LRRC4C: variants seen among roughly 807,000 people sequenced by gnomAD.
LRRC4C encodes leucine rich repeat containing 4C.
In LRRC4C, 5 loss-of-function variants were observed where a neutral mutation model predicts 33.6. That is an observed-to-expected ratio of 0.15 (90% CI 0.08 to 0.31). The LOEUF is 0.31. Among genes scored for constraint, LRRC4C ranks in the 10% least tolerant of loss-of-function variants. LRRC4C has a pLI of 1.00. For missense variants in LRRC4C, 560 were observed against 796.7 expected, an observed-to-expected ratio of 0.70 and a Z score of 3.58; for synonymous variants, 329 against 302.0, an observed-to-expected ratio of 1.09 and a Z score of -0.93.
intron 1 of LRRC4C, among the ~76,000 whole-genome samples, chr11:41,000,629 G>T (rs1854304464): frequency 6.6e-6 from 1 of 152,118 alleles, no homozygotes; most frequent in Non-Finnish European, 1.5e-5. Context: ...GCAACAATTG[G>T]CTGGAGCACC....
At chr11:41,187,257 C>T (rs113092154) in intron 1 of LRRC4C, among the ~76,000 whole-genome samples, 1 of 152,142 alleles carries the variant, frequency 6.6e-6, no homozygotes. Flanking sequence ...GCCCACCACA[C>T]CCCCATTATG....
At chr11:40,210,892 C>T (rs1315285118) in intron 5 of LRRC4C, among the ~76,000 whole-genome samples, 1 of 152,196 alleles carries the variant, frequency 6.6e-6, no homozygotes, top group African/African-American at 2.4e-5. Flanking sequence ...CCTGCCTCAG[C>T]TTCCTGTGTA....
At chr11:40,707,827 A>G (rs1016154715) in intron 2 of LRRC4C, among the ~76,000 whole-genome samples, 1 of 152,142 alleles carries the variant, frequency 6.6e-6, no homozygotes, top group Non-Finnish European at 1.5e-5. Flanking sequence ...TCGGCTGTGA[A>G]TCCATCTGGT....
intron 1 of LRRC4C, among the ~76,000 whole-genome samples, chr11:41,241,402 T>C (rs1421500363): frequency 1.3e-5 from 2 of 152,042 alleles, no homozygotes; most frequent in East Asian, 3.9e-4. Flanking sequence ...GTGGGAAATG[T>C]TGGTAAAGAA....
chr11:40,543,754 T>A (rs12274082), intron 3 of LRRC4C, among the ~76,000 whole-genome samples: 1 of 152,038 alleles, frequency 6.6e-6, no homozygotes, highest in East Asian at 1.9e-4. Flanking sequence ...CAGCTTATGG[T>A]CTTGGATTTT....
chr11:40,776,804 C>T (rs7939642), intron 2 of LRRC4C, among the ~76,000 whole-genome samples: 113,903 of 151,868 alleles, frequency 0.75, 42,924 homozygotes, highest in Middle Eastern at 0.84. Flanking sequence ...TCTAGTTCTT[C>T]TAGGTGTAAT....
At position 40,557,712 on chromosome 11, in the gene LRRC4C, T is replaced by C. The variant is rs568099050; in HGVS notation, c.-270+90430A>G. On this transcript the variant is annotated intron_variant, in intron 3 of 6. Coordinates refer to ENST00000528697, the MANE Select transcript of LRRC4C (RefSeq NM_001258419.2). ...TGTGTGTGTGTGTGTAAAATATAAA[T>C]GTCATATTAATAGGTAGTTATTTTT... Among the ~76,000 whole-genome samples the C allele has an allele frequency of 7.9e-5, 12 of 152,140 alleles. No individual in the cohort carries two copies. The South Asian group carries it at 2.5e-3, about 32-fold the overall frequency.
At chr11:41,219,436 A>G (rs1947206675) in intron 1 of LRRC4C, among the ~76,000 whole-genome samples, 1 of 152,258 alleles carries the variant, frequency 6.6e-6, no homozygotes, top group South Asian at 2.1e-4. Context: ...GGAAGTTTAC[A>G]GAAGCCCATA....
intron 2 of LRRC4C, among the ~76,000 whole-genome samples, chr11:40,931,657 GTGTA>G (rs906044950): frequency 2.6e-5 from 4 of 151,954 alleles, no homozygotes; most frequent in African/African-American, 4.8e-5. Flanking sequence ...ATAAAGGGGT[GTGTA>G]TGTGTGTGTG....
At chr11:40,817,319 C>T (rs2135433851) in intron 2 of LRRC4C, among the ~76,000 whole-genome samples, 1 of 152,240 alleles carries the variant, frequency 6.6e-6, no homozygotes, top group African/African-American at 2.4e-5. Flanking sequence ...GAGAGACTTT[C>T]TGAGACCATG....
intron 3 of LRRC4C, among the ~76,000 whole-genome samples, chr11:40,634,672 T>C (rs79066981): frequency 0.039 from 5,837 of 151,596 alleles, 170 homozygotes; most frequent in African/African-American, 0.078. Flanking sequence ...GAGTTAGAGA[T>C]CAGCTTGGGA....
intron 3 of LRRC4C, among the ~76,000 whole-genome samples, chr11:40,593,086 C>G (rs1189683945): frequency 6.6e-6 from 1 of 152,114 alleles, no homozygotes; most frequent in African/African-American, 2.4e-5. Flanking sequence ...CAAGCACAGC[C>G]TCTGCAGCTT....
At chr11:40,803,201 C>A (rs1951108647) in intron 2 of LRRC4C, among the ~76,000 whole-genome samples, 1 of 152,298 alleles carries the variant, frequency 6.6e-6, no homozygotes, top group African/African-American at 2.4e-5. Flanking sequence ...AATTCATCAA[C>A]AGTCCTAAGC....
intron 5 of LRRC4C, among the ~76,000 whole-genome samples, chr11:40,199,779 G>T (rs1315956553): frequency 6.6e-6 from 1 of 151,950 alleles, no homozygotes; most frequent in Non-Finnish European, 1.5e-5. Flanking sequence ...AATTTTCCTT[G>T]CAGAAAGCAC....
At chr11:41,296,960 G>A (rs542444162) in intron 1 of LRRC4C, among the ~76,000 whole-genome samples, 10 of 151,992 alleles carry the variant, frequency 6.6e-5, no homozygotes, top group South Asian at 4.2e-4. Context: ...TTCTTTTACC[G>A]GATCTTAATG....
intron 2 of LRRC4C, among the ~76,000 whole-genome samples, chr11:40,875,955 G>A (rs1013046205): frequency 6.6e-6 from 1 of 152,082 alleles, no homozygotes; most frequent in African/African-American, 2.4e-5. Flanking sequence ...GACACCCAAA[G>A]TGTGTTACTT....
intron 2 of LRRC4C, among the ~76,000 whole-genome samples, chr11:40,859,616 A>G (rs1953973537): frequency 6.6e-6 from 1 of 152,138 alleles, no homozygotes; most frequent in Non-Finnish European, 1.5e-5. Flanking sequence ...CAAAAGAAAT[A>G]AAATTCAAAA....
intron 1 of LRRC4C, among the ~76,000 whole-genome samples, chr11:41,451,807 C>T (rs1208207918): frequency 6.6e-6 from 1 of 152,034 alleles, no homozygotes; most frequent in African/African-American, 2.4e-5. Flanking sequence ...AGTCCAGGTA[C>T]CTTGGTAGAG....
At chr11:40,122,988 T>TAC (rs59161402) in intron 6 of LRRC4C, among the ~76,000 whole-genome samples, 4 of 126,594 alleles carry the variant, frequency 3.2e-5, no homozygotes, top group African/African-American at 9.5e-5. Flanking sequence ...CACACACACA[T>TAC]ATATACTATT....
Sources: allele counts gnomAD v4.1 joint callset (sites outside exome capture counted in the v4.1 genomes callset), GRCh38; gene constraint gnomAD v4.1.1; transcripts MANE v1.5; gene names NCBI Gene and HGNC (gene_info 2026-07-23, HGNC 2026-07-21).